The following USP48 variants were observed in gnomAD, a reference collection of about 807,000 sequenced individuals.
The protein encoded by USP48 is ubiquitin carboxyl-terminal hydrolase 48.
Under a neutral mutation model 150.7 loss-of-function variants are expected in USP48, and 43 were observed. The ratio of observed to expected loss-of-function variants is 0.29; its 90% confidence interval spans 0.22 to 0.37. The LOEUF (loss-of-function observed/expected upper bound fraction) is 0.37, where lower values mean the gene tolerates loss of function less well. Among genes scored for constraint, USP48 ranks in the 10% least tolerant of loss-of-function variants. The pLI, the probability that USP48 is intolerant of heterozygous loss-of-function variation, is 1.00. For missense variants in USP48, 813 were observed against 1,249.6 expected, an observed-to-expected ratio of 0.65 and a Z score of 5.27; for synonymous variants, 396 against 425.9, an observed-to-expected ratio of 0.93 and a Z score of 0.86.
At chr1:21,767,315 C>A (rs2097864519) in intron 1 of USP48, among the ~76,000 whole-genome samples, 3 of 151,708 alleles carry the variant, frequency 2.0e-5, no homozygotes, top group African/African-American at 7.3e-5. Flanking sequence ...TGCCTGGGAC[C>A]TTTTTTATTT....
chr1:21,782,792 G>A (rs762774638), intron 1 of USP48, 32 bp downstream of exon 1: 4 of 1,505,620 alleles, frequency 2.7e-6, no homozygotes, highest in Admixed American at 4.4e-5. Context: ...TCCGGCGCGA[G>A]GAGCCCGCGA....
chr1:21,706,095 AT>A (rs1299634235), intron 18 of USP48, 30 bp downstream of exon 18: 1 of 1,605,908 alleles, frequency 6.2e-7, no homozygotes, highest in East Asian at 2.2e-5. Flanking sequence ...ATCAGTAACA[AT>A]AAAGGAAATA....
At chr1:21,724,372 CAT>C in intron 11 of USP48, 1 of 584,906 alleles carries the variant, frequency 1.7e-6, no homozygotes, top group Non-Finnish European at 3.0e-6. Context: ...GAGGCATCCA[CAT>C]AGAGTCTTGC....
intron 1 of USP48, among the ~76,000 whole-genome samples, chr1:21,776,852 T>C (rs1402299229): frequency 6.6e-6 from 1 of 150,780 alleles, no homozygotes; most frequent in Admixed American, 6.6e-5. Flanking sequence ...GAGGCTGAGG[T>C]AGGAGAACTG....
intron 1 of USP48, among the ~76,000 whole-genome samples, chr1:21,762,474 T>C (rs955269134): frequency 6.6e-6 from 1 of 152,116 alleles, no homozygotes; most frequent in Non-Finnish European, 1.5e-5. Context: ...TAAAACAAAG[T>C]AGGCACTTAT....
chr1:21,752,662 A>G lies in USP48; in HGVS notation c.541-11T>C, dbSNP rs771098404. 1 of 1,578,098 alleles carries G rather than the reference A, an allele frequency of 6.3e-7. No individual in the cohort carries two copies. The highest frequency in any genetic ancestry group is 8.6e-7 in the Non-Finnish European group (1 of 1,168,714). ...AAATTCTTGAGCATCCTACAAGTTTAGGTTAATGAAAAGAAAAATCATATC... is the reference window on the plus strand; with the variant it reads ...AAATTCTTGAGCATCCTACAAGTTTGGGTTAATGAAAAGAAAAATCATATC... On this transcript the variant is annotated splice_polypyrimidine_tract_variant and intron_variant, in intron 4 of 26. Coordinates refer to ENST00000308271, the MANE Select transcript of USP48 (RefSeq NM_032236.8).
intron 19 of USP48, among the ~76,000 whole-genome samples, chr1:21,705,218 C>A (rs900966818): frequency 6.6e-6 from 1 of 152,120 alleles, no homozygotes; most frequent in Non-Finnish European, 1.5e-5. Context: ...TCGTATATCA[C>A]GATTTTTGGT....
chr1:21,725,468 T>C (rs1357618301), intron 11 of USP48, among the ~76,000 whole-genome samples: 2 of 152,152 alleles, frequency 1.3e-5, no homozygotes, highest in African/African-American at 4.8e-5. Flanking sequence ...AGAGGAGACC[T>C]TGGCTGGGCA....
At chr1:21,771,390 T>C (rs1034899227) in intron 1 of USP48, among the ~76,000 whole-genome samples, 1 of 148,976 alleles carries the variant, frequency 6.7e-6, no homozygotes, top group African/African-American at 2.4e-5. Flanking sequence ...AAATAAATTA[T>C]TATTAATTAT....
At chr1:21,727,161 T>C (rs926729654) in intron 11 of USP48, among the ~76,000 whole-genome samples, 6 of 152,162 alleles carry the variant, frequency 3.9e-5, no homozygotes, top group Admixed American at 1.3e-4. Flanking sequence ...TTTTTAAATA[T>C]GTTCACACAC....
rs566137949 is a variant in USP48, at chr1:21,736,705, C to T, written c.992-80G>A. 5.0e-5 allele frequency: 59 copies of T among 1,190,538 alleles called. No individual in the cohort carries two copies. In the African/African-American group the frequency reaches 8.7e-4, roughly 17 times the overall value. 73.7% of individuals were successfully genotyped at this position (1,190,538 alleles called of 1,614,324 possible). A position where few individuals can be genotyped will look rare whatever the true frequency, so the allele number is the denominator to read the frequency against. ...TCCTGAGCCTGAATTGTAATGATTA[C>T]GAATCTTTACACATGTGGTATAACT... On this transcript the variant is annotated intron_variant, in intron 8 of 26. Coordinates refer to ENST00000308271, the MANE Select transcript of USP48 (RefSeq NM_032236.8).
At chr1:21,691,316 C>CAAA (rs58202473) in intron 23 of USP48, among the ~76,000 whole-genome samples, 152 of 83,576 alleles carry the variant, frequency 1.8e-3, no homozygotes, top group Middle Eastern at 0.015. Context: ...CTCCCATCTC[C>CAAA]AAAAAAAAAA....
In USP48 at chr1:21,723,319, A is replaced by G. The variant is rs190374084; in HGVS notation, c.1648+579T>C. Among the ~76,000 whole-genome samples the G allele has an allele frequency of 3.2e-3, 485 of 152,208 alleles. 1 individual carries two copies. Among genetic ancestry groups the G allele is most frequent in the African/African-American group, 0.011 (470 of 41,514 alleles). ...TGGATCACTTGAGCCCAGGAGTTTGAGACCAGCCTGGGCAACACAGTGAAA... is the reference window on the plus strand; with the variant it reads ...TGGATCACTTGAGCCCAGGAGTTTGGGACCAGCCTGGGCAACACAGTGAAA... On this transcript the variant is annotated intron_variant, in intron 12 of 26. Coordinates refer to ENST00000308271, the MANE Select transcript of USP48 (RefSeq NM_032236.8).
At chr1:21,742,212 A>T (rs989691941) in intron 8 of USP48, among the ~76,000 whole-genome samples, 1 of 152,098 alleles carries the variant, frequency 6.6e-6, no homozygotes, top group African/African-American at 2.4e-5. Flanking sequence ...GGTGAGCCAG[A>T]AAAAGCCTAT....
At chr1:21,693,878 G>T (rs1461093912) in intron 23 of USP48, among the ~76,000 whole-genome samples, 1 of 152,180 alleles carries the variant, frequency 6.6e-6, no homozygotes, top group Non-Finnish European at 1.5e-5. Flanking sequence ...TCAAAGGAAG[G>T]CCTGTACTTT....
intron 11 of USP48, chr1:21,726,525 G>A (rs2097737550): frequency 6.6e-6 from 1 of 152,174 alleles, no homozygotes; most frequent in Admixed American, 6.6e-5. Context: ...TCACTTTAGT[G>A]CGCTGTGGGC....
chr1:21,706,686 G>A (rs2097673563), intron 16 of USP48, 58 bp downstream of exon 16: 2 of 1,610,226 alleles, frequency 1.2e-6, no homozygotes, highest in Admixed American at 1.7e-5. Flanking sequence ...AATTCCCCTG[G>A]GAAGTCAACC....
At position 21,742,394 on chromosome 1, in the gene USP48, A is replaced by G. The variant is rs1156314337; in HGVS notation, c.991+4673T>C. On this transcript the variant is annotated intron_variant, in intron 8 of 26. Transcript: ENST00000308271. ...CCTTGTCTCTACTAAAAATACCAAA[A>G]TTAGCCAACCGTGGTGGTGCACACT... 2.6e-5 allele frequency among the ~76,000 whole-genome samples: 4 copies of G among 151,992 alleles called. No individual in the cohort carries two copies. The South Asian group carries it at 6.2e-4, about 24-fold the overall frequency.
intron 24 of USP48, among the ~76,000 whole-genome samples, chr1:21,689,748 C>T (rs2097591692): frequency 6.6e-6 from 1 of 152,154 alleles, no homozygotes; most frequent in Non-Finnish European, 1.5e-5. Flanking sequence ...GGCGTAACAT[C>T]ACCTACTATA....
Sources: gnomAD v4.1 joint callset for allele counts (sites outside exome capture counted in the v4.1 genomes callset) on GRCh38, gnomAD v4.1.1 for gene constraint, MANE v1.5 for transcripts, NCBI Gene and HGNC (gene_info 2026-07-23, HGNC 2026-07-21) for gene names.